Variants in KIF20B observed in about 807,000 individuals in gnomAD.
KIF20B encodes the protein kinesin family member 20B, also known as kinesin-like protein KIF20B.
KIF20B carries 188 observed loss-of-function variants against 232.5 expected under a neutral mutation model. That is an observed-to-expected ratio of 0.81 (90% CI 0.72 to 0.91). KIF20B has a LOEUF of 0.91. Ranked by LOEUF, KIF20B falls within the 40% of genes least tolerant of loss-of-function variation. KIF20B has a pLI of 0.00. For synonymous variants in KIF20B, 712 were observed against 683.0 expected, an observed-to-expected ratio of 1.04 and a Z score of -0.66; for missense variants, 2,154 against 2,055.9, an observed-to-expected ratio of 1.05 and a Z score of -0.92.
rs1474015918 is a variant in KIF20B, at chr10:89,703,980, T to C, written c.-1-1314T>C. Among the ~76,000 whole-genome samples the C allele has an allele frequency of 3.3e-5, 5 of 152,152 alleles. No individual in the cohort carries two copies. The East Asian group carries it at 9.6e-4, about 29-fold the overall frequency. ...GTTGGCCAGGAGGGTCTCGATCTCC[T>C]GACCTCGTGATCCACCCACCTCGGC... On this transcript the variant is annotated intron_variant, in intron 1 of 32. Coordinates refer to ENST00000371728, the MANE Select transcript of KIF20B (RefSeq NM_001284259.2).
chr10:89,727,893 T>C lies in KIF20B; in HGVS notation c.2268T>C (p.Asn756=). 6.4e-7 allele frequency: 1 copy of C among 1,555,952 alleles called. No homozygotes were observed. ...DSLIQELETS[N]KKIITQNQRI... The stretch of plus-strand genomic sequence containing the variant: ...TGATTCAAGAGCTTGAGACATCTAA[T>C]AAGGTAATGCTTTAAGTTTTATTTT... The change falls in exon 17 of 33, where the codon AAT becomes AAC. Residue 756 remains asparagine (N), a synonymous_variant. Transcript: ENST00000371728.
intron 29 of KIF20B, among the ~76,000 whole-genome samples, chr10:89,765,469 T>A (rs1326605643): frequency 6.6e-6 from 1 of 152,124 alleles, no homozygotes; most frequent in Non-Finnish European, 1.5e-5. Flanking sequence ...CCCAAGCTAA[T>A]TTATAGATTC....
rs754743222 is a variant in KIF20B at position 89,719,556 on chromosome 10, T to C, written c.1572T>C (p.Asn524=). 7.4e-6 allele frequency: 12 copies of C among 1,613,290 alleles called. No individual in the cohort carries two copies. Among genetic ancestry groups the C allele is most frequent in the Middle Eastern group, 1.6e-4 (1 of 6,072 alleles). ...AAAGAGCCACCATTTCATGGGAAAATAGTCTAGAAGATTTGATGGAAGACG... is the reference window on the plus strand; with the variant it reads ...AAAGAGCCACCATTTCATGGGAAAACAGTCTAGAAGATTTGATGGAAGACG... The part of the protein sequence containing the change: ...NVKRATISWE[N]SLEDLMEDED... Residue 524 remains asparagine, a synonymous_variant, in exon 13 of 33, where the codon AAT becomes AAC. Transcript: ENST00000371728.
intron 1 of KIF20B, among the ~76,000 whole-genome samples, chr10:89,704,803 C>T (rs146450111): frequency 0.028 from 4,227 of 152,268 alleles, 361 homozygotes; most frequent in East Asian, 0.27. Context: ...GTGATCGACC[C>T]GCCTTGGCCT....
In KIF20B at chr10:89,737,875, C is replaced by G; in HGVS notation, c.3034C>G (p.Leu1012Val). ...SNIDLLNLRD[L>V]SNGSEEDNLP... The stretch of plus-strand genomic sequence containing the variant: ...CATAGATTTGCTCAATCTCAGGGAT[C>G]TGTCAAATGGTTCTGAGGAGGATAA... The change falls in exon 20 of 33, where the codon CTG (leucine) becomes GTG (valine). Residue 1012 changes from leucine (L) to valine (V), a missense_variant. Leu to Val is a conservative substitution (Grantham distance 32, BLOSUM62 1). Coordinates refer to ENST00000371728, the MANE Select transcript of KIF20B (RefSeq NM_001284259.2). The G allele has an allele frequency of 6.2e-7, 1 of 1,613,294 alleles. No individual in the cohort carries two copies. The highest frequency in any genetic ancestry group is 8.5e-7 in the Non-Finnish European group (1 of 1,179,396).
chr10:89,772,052 A>T (rs1211829246), intron 31 of KIF20B, among the ~76,000 whole-genome samples: 8 of 133,288 alleles, frequency 6.0e-5, no homozygotes, highest in South Asian at 2.7e-4. Flanking sequence ...TTTTCTATTT[A>T]AAAAAAAATA....
intron 31 of KIF20B, 138 bp from the exon 32 acceptor site, chr10:89,772,551 A>G: frequency 2.1e-6 from 1 of 487,222 alleles, no homozygotes; most frequent in Non-Finnish European, 3.7e-6. Context: ...CCCTTTCACC[A>G]TATATATATT....
chr10:89,743,757 CAGTT>C lies in KIF20B; in HGVS notation c.3916-47_3916-44del, dbSNP rs201201828. The C allele has an allele frequency of 3.5e-3, 4,197 of 1,198,226 alleles. 125 individuals carry two copies. The African/African-American group carries it at 0.059, about 17-fold the overall frequency. The allele number at this position is 1,198,226 out of a possible 1,614,324, so 74.2% of individuals were successfully genotyped here. ...GCCATGAATCTTAAATAACAAAAAGCAGTTAGTATTTTTAAAATATTCCATTTGT... is the reference window on the plus strand; with the variant it reads ...GCCATGAATCTTAAATAACAAAAAGCAGTATTTTTAAAATATTCCATTTGT... On this transcript the variant is annotated intron_variant, in intron 21 of 32. Transcript: ENST00000371728.
In KIF20B at chr10:89,712,364, C is replaced by T. The variant is rs544266930; in HGVS notation, c.675+1219C>T. Among the ~76,000 whole-genome samples the T allele has an allele frequency of 9.2e-5, 14 of 152,046 alleles. No homozygotes were observed. The East Asian group carries it at 1.9e-3, about 21-fold the overall frequency. ...GAACTCCTGGGCACAAGTGATTCTC[C>T]TGCCTCGACCTCCTCTGAATAGCTG... On this transcript the variant is annotated intron_variant, in intron 6 of 32. Coordinates refer to ENST00000371728, the MANE Select transcript of KIF20B (RefSeq NM_001284259.2).
intron 17 of KIF20B, among the ~76,000 whole-genome samples, chr10:89,728,203 C>T: frequency 6.6e-6 from 1 of 152,104 alleles, no homozygotes; most frequent in East Asian, 1.9e-4. Flanking sequence ...AGACATTACA[C>T]CTACTGTTTA....
intron 26 of KIF20B, 90 bp from the exon 27 acceptor site, chr10:89,758,616 T>A: frequency 1.2e-6 from 1 of 827,436 alleles, no homozygotes; most frequent in Non-Finnish European, 1.7e-6. Flanking sequence ...TGCAGCTATA[T>A]TTATGGTGTT....
intron 18 of KIF20B, among the ~76,000 whole-genome samples, chr10:89,731,861 A>G (rs1476484634): frequency 6.6e-6 from 1 of 152,192 alleles, no homozygotes; most frequent in Non-Finnish European, 1.5e-5. Flanking sequence ...GATACTAGAA[A>G]AACTTTGCCT....
At chr10:89,748,536 C>T (rs182529500) in intron 23 of KIF20B, among the ~76,000 whole-genome samples, 1 of 152,254 alleles carries the variant, frequency 6.6e-6, no homozygotes, top group Admixed American at 6.5e-5. Flanking sequence ...ATTTAGCTGA[C>T]TTATACATTG....
At chr10:89,755,608 T>TAA (rs1326113727) in intron 26 of KIF20B, among the ~76,000 whole-genome samples, 1 of 151,662 alleles carries the variant, frequency 6.6e-6, no homozygotes, top group Non-Finnish European at 1.5e-5. Context: ...TTTCCTCTTT[T>TAA]AAAGAGACAA....
intron 31 of KIF20B, among the ~76,000 whole-genome samples, chr10:89,771,700 C>G (rs1842465896): frequency 6.6e-6 from 1 of 151,990 alleles, no homozygotes; most frequent in Non-Finnish European, 1.5e-5. Flanking sequence ...TAACTCGGTA[C>G]TTTTCCACGT....
intron 13 of KIF20B, among the ~76,000 whole-genome samples, chr10:89,720,769 G>A (rs1307064090): frequency 1.3e-5 from 2 of 152,112 alleles, no homozygotes; most frequent in African/African-American, 2.4e-5. Context: ...GCAATGGCAC[G>A]ATCTCGGCTT....
intron 2 of KIF20B, among the ~76,000 whole-genome samples, chr10:89,705,962 T>C (rs1842714485): frequency 6.6e-6 from 1 of 152,228 alleles, no homozygotes. Flanking sequence ...TTGAGGTCAT[T>C]ATAAATAATG....
At chr10:89,739,547 A>C (rs951704996) in intron 21 of KIF20B, among the ~76,000 whole-genome samples, 4 of 76,216 alleles carry the variant, frequency 5.2e-5, no homozygotes, top group Non-Finnish European at 2.5e-5. Flanking sequence ...TTACCTTCAC[A>C]GCATCAAATG....
At chr10:89,772,305 C>T (rs1797069128) in intron 31 of KIF20B, among the ~76,000 whole-genome samples, 1 of 152,008 alleles carries the variant, frequency 6.6e-6, no homozygotes, top group Admixed American at 6.6e-5. Context: ...TATGCATGAG[C>T]ATTGAACTAG....
Sources: gnomAD v4.1 joint callset for allele counts (sites outside exome capture counted in the v4.1 genomes callset) on GRCh38, gnomAD v4.1.1 for gene constraint, MANE v1.5 for transcripts, NCBI Gene and HGNC (gene_info 2026-07-23, HGNC 2026-07-21) for gene names.